TBC1D5: variants seen among roughly 807,000 people sequenced by gnomAD.
TBC1D5 encodes the protein TBC1 domain family member 5, also known as TBC1 domain family, member 5.
A neutral mutation model predicts 100.3 loss-of-function variants in TBC1D5; 75 were observed. That is an observed-to-expected ratio of 0.75 (90% confidence interval 0.62 to 0.91). The LOEUF (loss-of-function observed/expected upper bound fraction) is 0.91. Ranked by LOEUF, TBC1D5 falls within the 40% of genes least tolerant of loss-of-function variation. The pLI, the probability that TBC1D5 is intolerant of heterozygous loss-of-function variation, is 0.00. For synonymous variants in TBC1D5, 323 were observed against 325.6 expected (o/e 0.99, Z 0.09); for missense variants, 910 against 942.4 (o/e 0.97, Z 0.45).
chr3:17,571,307 C>T (rs937725540), intron 2 of TBC1D5, among the ~76,000 whole-genome samples: 3 of 151,944 alleles, frequency 2.0e-5, no homozygotes, highest in Non-Finnish European at 4.4e-5. Context: ...TGATGCATAC[C>T]TATAATTGTC....
intron 2 of TBC1D5, among the ~76,000 whole-genome samples, chr3:17,594,330 G>A (rs921068982): frequency 3.9e-5 from 6 of 152,176 alleles, no homozygotes; most frequent in Admixed American, 2.0e-4. Context: ...TAAGGTCAAT[G>A]GGAAACAGCT....
At chr3:17,361,220 A>C (rs2091673549) in intron 13 of TBC1D5, among the ~76,000 whole-genome samples, 1 of 152,030 alleles carries the variant, frequency 6.6e-6, no homozygotes. Flanking sequence ...GCAAAAGCTG[A>C]GTTGCCTAAT....
chr3:17,214,317 C>T (rs1373005710), exon 18 of TBC1D5: 3 of 1,612,824 alleles, frequency 1.9e-6, no homozygotes, highest in South Asian at 1.1e-5. Flanking sequence ...AATTCTCTTC[C>T]TCCAGGCAAA....
chr3:17,460,962 C>T (rs2095195163), intron 3 of TBC1D5, among the ~76,000 whole-genome samples: 1 of 152,084 alleles, frequency 6.6e-6, no homozygotes, highest in African/African-American at 2.4e-5. Flanking sequence ...ATTATTCAGA[C>T]TAATATAGAA....
At chr3:17,388,685 CAA>C (rs60539576) in intron 8 of TBC1D5, among the ~76,000 whole-genome samples, 2 of 107,990 alleles carry the variant, frequency 1.9e-5, no homozygotes, top group Admixed American at 2.1e-4. Context: ...CCTGCCTTTA[CAA>C]AAAAAAAAAA....
chr3:17,410,177 C>T (rs746985174), intron 4 of TBC1D5, among the ~76,000 whole-genome samples: 8 of 152,218 alleles, frequency 5.3e-5, no homozygotes, highest in Non-Finnish European at 1.2e-4. Context: ...AAGAATTATG[C>T]CAAATCTACT....
chr3:17,515,571 C>G (rs1463496939), intron 2 of TBC1D5, among the ~76,000 whole-genome samples: 1 of 152,104 alleles, frequency 6.6e-6, no homozygotes, highest in African/African-American at 2.4e-5. Context: ...GGTCACAGGG[C>G]AAAGCTACCT....
At chr3:17,560,728 C>A (rs148477033) in intron 2 of TBC1D5, among the ~76,000 whole-genome samples, 100 of 151,926 alleles carry the variant, frequency 6.6e-4, no homozygotes, top group Non-Finnish European at 1.2e-3. Flanking sequence ...CAAGACCAGC[C>A]TGACCAACAT....
chr3:17,380,610 C>A (rs1354895068), intron 9 of TBC1D5, among the ~76,000 whole-genome samples: 1 of 152,026 alleles, frequency 6.6e-6, no homozygotes, highest in East Asian at 1.9e-4. Flanking sequence ...TGCTTAAAAG[C>A]CTTTATCCCT....
At chr3:17,338,053 AC>A (rs773802027) in intron 13 of TBC1D5, among the ~76,000 whole-genome samples, 3 of 152,238 alleles carry the variant, frequency 2.0e-5, no homozygotes, top group Non-Finnish European at 2.9e-5. Context: ...AAGAGAGGAA[AC>A]AAAGAAGACT....
chr3:17,161,892 C>G (rs1473820067), intron 21 of TBC1D5, among the ~76,000 whole-genome samples: 3 of 152,114 alleles, frequency 2.0e-5, no homozygotes, highest in Non-Finnish European at 4.4e-5. Context: ...ATGGTGGTAA[C>G]CGGTAGGTTC....
chr3:17,224,493 T>C (rs2074630692), intron 17 of TBC1D5, among the ~76,000 whole-genome samples: 1 of 152,232 alleles, frequency 6.6e-6, no homozygotes, highest in African/African-American at 2.4e-5. Flanking sequence ...ATACTAAGTC[T>C]TCAAAATGCA....
chr3:17,327,634 C>CA (rs1420067063), intron 13 of TBC1D5, among the ~76,000 whole-genome samples: 3 of 152,140 alleles, frequency 2.0e-5, no homozygotes, highest in Non-Finnish European at 4.4e-5. Flanking sequence ...GTTACCAGCT[C>CA]AGTGAGGCCT....
chr3:17,329,099 G>T (rs987534932), intron 13 of TBC1D5, among the ~76,000 whole-genome samples: 1 of 152,134 alleles, frequency 6.6e-6, no homozygotes, highest in African/African-American at 2.4e-5. Context: ...TCACTGAAAG[G>T]CATCTCTCCT....
chr3:17,327,073 G>C (rs1368315456), intron 13 of TBC1D5, among the ~76,000 whole-genome samples: 1 of 151,964 alleles, frequency 6.6e-6, no homozygotes, highest in Non-Finnish European at 1.5e-5. Flanking sequence ...CTTTCACCTT[G>C]ATTAACCAAT....
chr3:17,469,388 G>T (rs2095346741), intron 3 of TBC1D5, among the ~76,000 whole-genome samples: 1 of 151,790 alleles, frequency 6.6e-6, no homozygotes, highest in African/African-American at 2.4e-5. Flanking sequence ...ATTTCCCAAA[G>T]ATTCTTACTC....
rs555400858 is a variant in TBC1D5, at chr3:17,734,916, T to C, written c.-101+4427A>G. Among the ~76,000 whole-genome samples the C allele has an allele frequency of 8.1e-5, 11 of 136,314 alleles. No individual in the cohort carries two copies. The South Asian group carries it at 2.9e-3, about 36-fold the overall frequency. The allele number at this position is 136,314 out of a possible 152,430, so 89.4% of individuals were successfully genotyped here. ...GCCTGGGCAACATAGAGAGACATGGTCTCTACGACAAAAAAAAAAAAATTT... is the reference window on the plus strand; with the variant it reads ...GCCTGGGCAACATAGAGAGACATGGCCTCTACGACAAAAAAAAAAAAATTT... On this transcript the variant is annotated intron_variant, in intron 1 of 21. Transcript: ENST00000253692.
intron 3 of TBC1D5, among the ~76,000 whole-genome samples, chr3:17,457,026 A>T (rs930663861): frequency 6.6e-6 from 1 of 152,136 alleles, no homozygotes; most frequent in African/African-American, 2.4e-5. Context: ...GCAAAAAAAA[A>T]TATTTTGGGG....
chr3:17,630,093 G>A (rs1475173990), intron 1 of TBC1D5, among the ~76,000 whole-genome samples: 1 of 152,106 alleles, frequency 6.6e-6, no homozygotes, highest in African/African-American at 2.4e-5. Flanking sequence ...CACGAAATCA[G>A]TTTCCCCAAT....
Sources: gnomAD v4.1 joint callset for allele counts (sites outside exome capture counted in the v4.1 genomes callset) on GRCh38, gnomAD v4.1.1 for gene constraint, MANE v1.5 for transcripts, NCBI Gene and HGNC (gene_info 2026-07-23, HGNC 2026-07-21) for gene names.